The following CFAP44 variants were observed in gnomAD, a reference collection of about 807,000 sequenced individuals.
CFAP44 encodes the protein cilia- and flagella-associated protein 44.
Under a neutral mutation model 216.2 loss-of-function variants are expected in CFAP44, and 134 were observed. The ratio of observed to expected loss-of-function variants is 0.62; its 90% confidence interval spans 0.54 to 0.72. The LOEUF (loss-of-function observed/expected upper bound fraction) is 0.72, where lower values mean the gene tolerates loss of function less well. Among genes scored for constraint, CFAP44 ranks in the 30% least tolerant of loss-of-function variants. The probability of loss-of-function intolerance (pLI) is 0.00; values close to 1 mark genes in which losing one functional copy is unlikely to be tolerated. For missense variants in CFAP44, 2,035 were observed against 2,182.1 expected, an observed-to-expected ratio of 0.93 and a Z score of 1.34; for synonymous variants, 700 against 727.6, an observed-to-expected ratio of 0.96 and a Z score of 0.61.
intron 13 of CFAP44, among the ~76,000 whole-genome samples, chr3:113,398,056 AG>A (rs1576589174): frequency 6.6e-6 from 1 of 152,168 alleles, no homozygotes; most frequent in East Asian, 1.9e-4. Context: ...ATGAGAATTT[AG>A]GGAATAAAAA....
chr3:113,394,152 A>G (rs985667263), intron 15 of CFAP44, among the ~76,000 whole-genome samples: 3 of 152,192 alleles, frequency 2.0e-5, no homozygotes, highest in African/African-American at 7.2e-5. Flanking sequence ...ACTATACACA[A>G]CCACCCAGGA....
chr3:113,325,946 G>A (rs978174481), intron 28 of CFAP44, among the ~76,000 whole-genome samples: 6 of 152,060 alleles, frequency 3.9e-5, no homozygotes, highest in African/African-American at 9.7e-5. Context: ...CAATTCAGTC[G>A]AAGAGAGACA....
chr3:113,401,331 C>T (rs1261926586), intron 10 of CFAP44, 44 bp from the exon 11 acceptor site: 6 of 1,519,074 alleles, frequency 3.9e-6, no homozygotes, highest in Non-Finnish European at 5.3e-6. Flanking sequence ...TTTAAACTTT[C>T]ATCAGATTTT....
chr3:113,438,453 C>T (rs972010797), intron 1 of CFAP44, among the ~76,000 whole-genome samples: 54 of 152,248 alleles, frequency 3.5e-4, no homozygotes, highest in Admixed American at 1.9e-3. Context: ...TGCCTCAGTA[C>T]TTCCATCTTT....
chr3:113,406,615 C>T (rs1934288148), intron 8 of CFAP44, among the ~76,000 whole-genome samples: 1 of 149,682 alleles, frequency 6.7e-6, no homozygotes, highest in Non-Finnish European at 1.5e-5. Flanking sequence ...CAGAGCGAGA[C>T]CCTGTCTCAA....
intron 18 of CFAP44, among the ~76,000 whole-genome samples, chr3:113,366,586 G>A (rs981703803): frequency 6.6e-6 from 1 of 152,036 alleles, no homozygotes; most frequent in South Asian, 2.1e-4. Flanking sequence ...TATCAAAGGG[G>A]GTCACTTCCA....
rs1194765267 is a variant in CFAP44, at chr3:113,287,705, A to C, written c.*3852T>G. 7 of 152,292 alleles carry C rather than the reference A, an allele frequency of 4.6e-5. No homozygotes were observed. Among genetic ancestry groups the C allele is most frequent in the Non-Finnish European group, 1.0e-4 (7 of 68,062 alleles). The allele number at this position is 152,292 out of a possible 1,614,324, so 9.4% of individuals were successfully genotyped here. A position where few individuals can be genotyped will look rare whatever the true frequency, so the allele number is the denominator to read the frequency against. ...AACAGACCAGGAAAAACAGGTTCAT[A>C]GTTCTCTTACCAACTGGACTTGAGA... On this transcript the variant is annotated 3_prime_UTR_variant, in exon 35 of 35. Coordinates refer to ENST00000393845, the MANE Select transcript of CFAP44 (RefSeq NM_001164496.2).
intron 32 of CFAP44, among the ~76,000 whole-genome samples, chr3:113,298,795 C>T (rs1317110677): frequency 6.6e-6 from 1 of 152,146 alleles, no homozygotes; most frequent in Admixed American, 6.5e-5. Flanking sequence ...GTCAAGTTCA[C>T]AGAGACAGAA....
chr3:113,438,805 CT>C (rs1935292578), intron 1 of CFAP44, among the ~76,000 whole-genome samples: 1 of 152,112 alleles, frequency 6.6e-6, no homozygotes, highest in Non-Finnish European at 1.5e-5. Context: ...TTGTAGTTGG[CT>C]CTCATTTCTC....
chr3:113,342,502 T>C (rs1459429210), intron 23 of CFAP44, among the ~76,000 whole-genome samples: 5 of 152,070 alleles, frequency 3.3e-5, no homozygotes, highest in Admixed American at 6.5e-5. Flanking sequence ...AATAAACAAT[T>C]AGAGAACATG....
intron 4 of CFAP44, among the ~76,000 whole-genome samples, chr3:113,424,756 A>G (rs1198894134): frequency 6.6e-6 from 1 of 152,202 alleles, no homozygotes; most frequent in African/African-American, 2.4e-5. Flanking sequence ...TATAGTTTAT[A>G]CAGCCACCCA....
intron 17 of CFAP44, among the ~76,000 whole-genome samples, chr3:113,375,111 T>C (rs918279526): frequency 6.6e-6 from 1 of 151,554 alleles, no homozygotes; most frequent in Admixed American, 6.6e-5. Context: ...ATAATTTCAC[T>C]TATTTGAGAT....
intron 22 of CFAP44, among the ~76,000 whole-genome samples, chr3:113,347,177 T>C (rs1471773205): frequency 6.6e-6 from 1 of 152,028 alleles, no homozygotes; most frequent in African/African-American, 2.4e-5. Flanking sequence ...AAGACATGGG[T>C]GTCAGGCTTT....
At chr3:113,366,696 T>G (rs988399145) in intron 18 of CFAP44, among the ~76,000 whole-genome samples, 4 of 152,276 alleles carry the variant, frequency 2.6e-5, no homozygotes, top group Admixed American at 2.6e-4. Context: ...CTGATTCATC[T>G]CATTGGGACT....
At chr3:113,338,653 G>A (rs772717331) in intron 24 of CFAP44, among the ~76,000 whole-genome samples, 25 of 152,092 alleles carry the variant, frequency 1.6e-4, no homozygotes, top group African/African-American at 3.9e-4. Flanking sequence ...CTCCAGGAAC[G>A]TTCAAACATT....
intron 31 of CFAP44, among the ~76,000 whole-genome samples, chr3:113,304,564 T>C (rs1479160247): frequency 6.6e-6 from 1 of 152,206 alleles, no homozygotes; most frequent in East Asian, 1.9e-4. Context: ...ATTCCTGCAA[T>C]TTAATATAAG....
intron 33 of CFAP44, among the ~76,000 whole-genome samples, chr3:113,295,046 A>T (rs1049687618): frequency 7.9e-5 from 12 of 152,238 alleles, no homozygotes; most frequent in African/African-American, 2.4e-4. Context: ...TAGAAATAAG[A>T]TAGATGTGGA....
intron 31 of CFAP44, among the ~76,000 whole-genome samples, chr3:113,304,569 T>A (rs1331434674): frequency 6.6e-6 from 1 of 152,192 alleles, no homozygotes; most frequent in Non-Finnish European, 1.5e-5. Context: ...TGCAATTTAA[T>A]ATAAGTTGCA....
rs745401233 is a variant in CFAP44, at chr3:113,366,277, T to C, written c.2477A>G (p.Lys826Arg). The change falls in exon 19 of 35, where the codon AAA (lysine) becomes AGA (arginine). Residue 826 changes from lysine to arginine, a missense_variant. Around this residue, in one of 3 missense-constraint regions of CFAP44, gnomAD observed 1,883 missense variants for 2,023.7 expected, o/e 0.93. Transcript: ENST00000393845. Reference sequence around the variant, plus strand: ...GACATAGACTCGAATTGCTCCATTTTTCATTCCACAAAACATCATAACTTT... The same window carrying C: ...GACATAGACTCGAATTGCTCCATTTCTCATTCCACAAAACATCATAACTTT... ...INKVMMFCGM[K>R]NGAIRVYVLN... is the part of the protein sequence containing the mutation. The C allele has an allele frequency of 3.1e-6, 5 of 1,609,886 alleles. No individual in the cohort carries two copies. The highest frequency in any genetic ancestry group is 1.7e-5 in the Admixed American group (1 of 59,846).
Sources: allele counts gnomAD v4.1 joint callset (sites outside exome capture counted in the v4.1 genomes callset), GRCh38; gene constraint gnomAD v4.1.1; regional missense constraint gnomAD v4.1.1; transcripts MANE v1.5; gene names NCBI Gene and HGNC (gene_info 2026-07-23, HGNC 2026-07-21).